Variants in TM9SF2 observed in about 807,000 individuals in gnomAD.
TM9SF2 encodes 76 kDa membrane protein.
In TM9SF2, 13 loss-of-function variants were observed where a neutral mutation model predicts 84.9. The ratio of observed to expected loss-of-function variants is 0.15; its 90% CI spans 0.10 to 0.24. The LOEUF (loss-of-function observed/expected upper bound fraction) is 0.24, where lower values mean the gene tolerates loss of function less well. Ranked by LOEUF, TM9SF2 falls within the 10% of genes least tolerant of loss-of-function variation. The probability of loss-of-function intolerance (pLI) is 1.00; values close to 1 mark genes in which losing one functional copy is unlikely to be tolerated. For synonymous variants in TM9SF2, 273 were observed against 285.8 expected (o/e 0.96, Z 0.45); for missense variants, 562 against 818.5 (o/e 0.69, Z 3.82).
At chr13:99,558,901 T>C (rs941845511) in intron 15 of TM9SF2, among the ~76,000 whole-genome samples, 2 of 152,254 alleles carry the variant, frequency 1.3e-5, no homozygotes, top group African/African-American at 4.8e-5. Context: ...ATTTTAATCA[T>C]CTGCCTTGTT....
At chr13:99,549,143 C>A in intron 11 of TM9SF2, 22 bp from the exon 12 acceptor site, 1 of 1,600,284 alleles carries the variant, frequency 6.2e-7, no homozygotes, top group Non-Finnish European at 8.5e-7. Context: ...TGTATTTATA[C>A]AACTTTTGTT....
intron 2 of TM9SF2, among the ~76,000 whole-genome samples, 200 bp from the exon 3 acceptor site, chr13:99,519,836 A>T (rs1340438060): frequency 6.6e-6 from 1 of 152,210 alleles, no homozygotes; most frequent in Non-Finnish European, 1.5e-5. Context: ...AGAAAAAAAT[A>T]TTCGAAGGCA....
intron 3 of TM9SF2, among the ~76,000 whole-genome samples, chr13:99,527,967 A>G (rs1419881071): frequency 1.3e-5 from 2 of 152,142 alleles, no homozygotes; most frequent in African/African-American, 4.8e-5. Context: ...CTCTAGATTG[A>G]TATTTTGATT....
intron 4 of TM9SF2, among the ~76,000 whole-genome samples, chr13:99,531,017 C>T (rs1054531537): frequency 6.6e-6 from 1 of 151,978 alleles, no homozygotes; most frequent in Non-Finnish European, 1.5e-5. Flanking sequence ...CCCGCCACCA[C>T]ACCTGGCTAA....
chr13:99,501,684 G>T lies in TM9SF2; in HGVS notation c.78G>T (p.Ala26=). ...LLLLSLLLLG[A]VPGPRRSGAF... is the part of the protein sequence containing the mutation. The stretch of plus-strand genomic sequence containing the variant: ...TGCTGTCGCTGCTCCTGCTGGGGGC[G>T]GTTCCTGGCCCGCGCCGGAGCGGCG... The change falls in exon 1 of 17, where the codon GCG becomes GCT. Residue 26 remains alanine (A), a synonymous_variant. Transcript: ENST00000376387. 1 of 1,613,074 alleles carries T rather than the reference G, an allele frequency of 6.2e-7. No individual in the cohort carries two copies. The highest frequency in any genetic ancestry group is 8.5e-7 in the Non-Finnish European group (1 of 1,179,786).
In TM9SF2 at chr13:99,564,019, T is replaced by TA. The variant is rs2046354851; in HGVS notation, c.*1262dup. 6.6e-6 allele frequency: 1 copy of TA among 152,108 alleles called. No individual in the cohort carries two copies. The highest frequency in any genetic ancestry group is 6.6e-5 in the Admixed American group (1 of 15,264). The allele number at this position is 152,108 out of a possible 1,614,324, so 9.4% of individuals were successfully genotyped here. A position where few individuals can be genotyped will look rare whatever the true frequency, so the allele number is the denominator to read the frequency against. On this transcript the variant is annotated 3_prime_UTR_variant, in exon 17 of 17. Transcript: ENST00000376387. ...ACAACTAAAATTACTAGCTGTCACT[T>TA]ATATGATATTGCTGGGTTCTTACTG...
At chr13:99,557,877 G>A (rs961480936) in intron 15 of TM9SF2, among the ~76,000 whole-genome samples, 20 of 145,528 alleles carry the variant, frequency 1.4e-4, no homozygotes, top group African/African-American at 3.5e-4. Context: ...CCCCACCCCC[G>A]ACCAAAAAAA....
intron 3 of TM9SF2, among the ~76,000 whole-genome samples, chr13:99,523,568 G>A (rs2046169580): frequency 6.6e-6 from 1 of 152,222 alleles, no homozygotes. Context: ...AAACAACAGT[G>A]CAAGACATTG....
rs897659206 is a variant in TM9SF2, at chr13:99,544,122, C to T, written c.1150+127C>T. 4.2e-5 allele frequency: 42 copies of T among 1,000,524 alleles called. 1 individual carries two copies. Among genetic ancestry groups the T allele is most frequent in the Admixed American group, 7.9e-5 (3 of 37,974 alleles). The allele number at this position is 1,000,524 out of a possible 1,614,324, so 62.0% of individuals were successfully genotyped here. A position where few individuals can be genotyped will look rare whatever the true frequency, so the allele number is the denominator to read the frequency against. The stretch of plus-strand genomic sequence containing the variant: ...ATCCTAGCACTTTGGGAGGCCAAGG[C>T]GGGTGGATGACAAGGTCAGGAGTTT... On this transcript the variant is annotated intron_variant, in intron 10 of 16. Coordinates refer to ENST00000376387, the MANE Select transcript of TM9SF2 (RefSeq NM_004800.3).
At chr13:99,545,931 T>C (rs2046280696) in intron 10 of TM9SF2, among the ~76,000 whole-genome samples, 1 of 152,174 alleles carries the variant, frequency 6.6e-6, no homozygotes, top group Non-Finnish European at 1.5e-5. Flanking sequence ...TGCGGTCAGC[T>C]AGAAAAGTGA....
At chr13:99,538,186 A>G (rs953233825) in intron 6 of TM9SF2, among the ~76,000 whole-genome samples, 3 of 152,174 alleles carry the variant, frequency 2.0e-5, no homozygotes, top group African/African-American at 7.2e-5. Flanking sequence ...TGGAAAGAAC[A>G]CTGCCTCAGA....
At chr13:99,518,027 AT>A (rs1367723680) in intron 2 of TM9SF2, among the ~76,000 whole-genome samples, 1 of 152,060 alleles carries the variant, frequency 6.6e-6, no homozygotes, top group East Asian at 1.9e-4. Flanking sequence ...CTACCTCCAC[AT>A]TTTTTCTCTG....
intron 1 of TM9SF2, among the ~76,000 whole-genome samples, chr13:99,505,818 T>A (rs573832837): frequency 1.3e-5 from 2 of 152,242 alleles, no homozygotes; most frequent in Non-Finnish European, 1.5e-5. Flanking sequence ...TAGTGAGCAG[T>A]TCACCTTTGC....
rs373675009 is a variant in TM9SF2, at chr13:99,530,164, G to A, written c.461+570G>A. Among the ~76,000 whole-genome samples the A allele has an allele frequency of 1.2e-4, 19 of 152,202 alleles. No individual in the cohort carries two copies. The East Asian group carries it at 3.3e-3, about 26-fold the overall frequency. On this transcript the variant is annotated intron_variant, in intron 4 of 16. Coordinates refer to ENST00000376387, the MANE Select transcript of TM9SF2 (RefSeq NM_004800.3). ...CACTGATATAGGCATGGTGGCTCAC[G>A]CCTGTAATCCCAGCACTTGGGAGGC...
At chr13:99,540,562 ACT>A (rs2046254445) in intron 7 of TM9SF2, 150 bp from the exon 8 acceptor site, 1 of 457,658 alleles carries the variant, frequency 2.2e-6, no homozygotes, top group Non-Finnish European at 3.8e-6. Context: ...TAAATCTGAA[ACT>A]CTCCAAATCT....
chr13:99,507,506 T>C (rs958192442), intron 1 of TM9SF2, among the ~76,000 whole-genome samples: 4 of 152,226 alleles, frequency 2.6e-5, no homozygotes, highest in Admixed American at 6.5e-5. Flanking sequence ...TTCGTTGATA[T>C]AGTCTAAAAT....
intron 14 of TM9SF2, 24 bp downstream of exon 14, chr13:99,554,479 C>T: frequency 1.2e-6 from 2 of 1,607,892 alleles, no homozygotes; most frequent in South Asian, 1.1e-5. Context: ...AAAGTCCTCT[C>T]ATTCTCATTA....
chr13:99,558,343 A>C (rs978389135), intron 15 of TM9SF2, among the ~76,000 whole-genome samples: 1 of 152,220 alleles, frequency 6.6e-6, no homozygotes, highest in African/African-American at 2.4e-5. Flanking sequence ...TAACTTTTCC[A>C]ATCTGCAAAA....
At position 99,541,556 on chromosome 13, in the gene TM9SF2, C is replaced by T. The variant is rs1168696678; in HGVS notation, c.909-3C>T. 1 of 1,603,654 alleles carries T rather than the reference C, an allele frequency of 6.2e-7. No individual in the cohort carries two copies. Among genetic ancestry groups the T allele is most frequent in the Admixed American group, 1.7e-5 (1 of 59,448 alleles). ...ATTACTCATGATGTGCTTATTTCTA[C>T]AGCATTATGAATTCCCTGGTCATTG... is the stretch of plus-strand genomic sequence containing the variant. On this transcript the variant is annotated splice_region_variant and splice_polypyrimidine_tract_variant and intron_variant, in intron 8 of 16. Transcript: ENST00000376387.
Sources: allele counts gnomAD v4.1 joint callset (sites outside exome capture counted in the v4.1 genomes callset), GRCh38; gene constraint gnomAD v4.1.1; transcripts MANE v1.5; gene names NCBI Gene and HGNC (gene_info 2026-07-23, HGNC 2026-07-21).